Variants in CCNY observed in about 807,000 individuals in gnomAD.
CCNY encodes cyclin-Y.
Under a neutral mutation model 42.8 loss-of-function variants are expected in CCNY, and 19 were observed. That is an observed-to-expected ratio of 0.44 (90% confidence interval 0.31 to 0.65). CCNY has a LOEUF of 0.65. Among genes scored for constraint, CCNY ranks in the 30% least tolerant of loss-of-function variants. The pLI, the probability that CCNY is intolerant of heterozygous loss-of-function variation, is 0.07. For missense variants in CCNY, 370 were observed against 437.3 expected, an observed-to-expected ratio of 0.85 and a Z score of 1.37; for synonymous variants, 165 against 162.7, an observed-to-expected ratio of 1.01 and a Z score of -0.11.
chr10:35,404,025 G>A (rs528772686), intron 1 of CCNY, among the ~76,000 whole-genome samples: 1 of 148,560 alleles, frequency 6.7e-6, no homozygotes, highest in Admixed American at 6.8e-5. Context: ...TGAAGTCCAG[G>A]CCAGGAACAA....
intron 1 of CCNY, among the ~76,000 whole-genome samples, chr10:35,421,059 T>C (rs1838148351): frequency 6.6e-6 from 1 of 152,184 alleles, no homozygotes; most frequent in Admixed American, 6.5e-5. Flanking sequence ...TCAGGCTGTG[T>C]GCACCTATGC....
intron 1 of CCNY, among the ~76,000 whole-genome samples, chr10:35,482,148 A>G (rs1192355291): frequency 2.0e-5 from 3 of 152,216 alleles, no homozygotes. Context: ...TGCTCAGGAT[A>G]AATCTCTTTG....
chr10:35,510,668 A>T (rs1302179433), intron 3 of CCNY, among the ~76,000 whole-genome samples: 1 of 152,224 alleles, frequency 6.6e-6, no homozygotes, highest in Non-Finnish European at 1.5e-5. Context: ...GGCACTTTAC[A>T]GGTGTTATTC....
chr10:35,325,479 C>CT lies in CCNY; in HGVS notation c.-9+74870dup, dbSNP rs1207832860. ...AGGTGTGAGCCACCAAGCACAGACC[C>CT]TTTTTTTTTTTTTTTTTGAGACAGA... On this transcript the variant is annotated intron_variant, in intron 3 of 11. Transcript: ENST00000374706. Among the ~76,000 whole-genome samples, 725 of 132,862 alleles carry CT rather than the reference C, an allele frequency of 5.5e-3. 3 individuals carry two copies. The highest frequency in any genetic ancestry group is 0.014 in the East Asian group (64 of 4,600). 87.2% of individuals were successfully genotyped at this position (132,862 alleles called of 152,430 possible).
At chr10:35,503,835 G>A (rs953444439) in intron 3 of CCNY, among the ~76,000 whole-genome samples, 13 of 152,162 alleles carry the variant, frequency 8.5e-5, no homozygotes, top group African/African-American at 3.1e-4. Flanking sequence ...CACTTAGCTC[G>A]CACCCTCTGT....
intron 9 of CCNY, among the ~76,000 whole-genome samples, chr10:35,566,437 C>T (rs57344170): frequency 0.05 from 7,562 of 152,276 alleles, 539 homozygotes; most frequent in African/African-American, 0.16. Context: ...CTCTGCCTCC[C>T]GAGTTAAAGC....
At chr10:35,469,471 G>A (rs556843191) in intron 1 of CCNY, among the ~76,000 whole-genome samples, 7 of 152,292 alleles carry the variant, frequency 4.6e-5, no homozygotes, top group South Asian at 2.1e-4. Flanking sequence ...AAGGGAAAAC[G>A]GAAACAGTTA....
chr10:35,326,908 A>ACAAT (rs1454732298), intron 3 of CCNY, among the ~76,000 whole-genome samples: 1 of 151,894 alleles, frequency 6.6e-6, no homozygotes, highest in Non-Finnish European at 1.5e-5. Flanking sequence ...AAACAAACAA[A>ACAAT]CAAACACCAT....
At chr10:35,535,917 CTTCATTTTG>C (rs1018275004) in intron 7 of CCNY, among the ~76,000 whole-genome samples, 4 of 152,184 alleles carry the variant, frequency 2.6e-5, no homozygotes, top group Admixed American at 2.6e-4. Flanking sequence ...GGTCACTGCA[CTTCATTTTG>C]TTTACTCATT....
intron 1 of CCNY, among the ~76,000 whole-genome samples, chr10:35,453,702 T>C (rs1178795018): frequency 6.6e-6 from 1 of 152,228 alleles, no homozygotes; most frequent in Non-Finnish European, 1.5e-5. Flanking sequence ...CTTTTAAGAA[T>C]CTTAATCAGT....
intron 2 of CCNY, among the ~76,000 whole-genome samples, chr10:35,486,791 G>T (rs1442048732): frequency 1.3e-5 from 2 of 152,190 alleles, no homozygotes; most frequent in African/African-American, 4.8e-5. Flanking sequence ...CCTCAAGTCT[G>T]CCACTTGCCT....
chr10:35,523,469 G>A (rs1050869746), intron 4 of CCNY, among the ~76,000 whole-genome samples: 2 of 152,158 alleles, frequency 1.3e-5, no homozygotes, highest in African/African-American at 4.8e-5. Flanking sequence ...CCTTCAAGAC[G>A]ACTGCTAAAC....
chr10:35,371,012 G>T (rs1381493096), intron 1 of CCNY, among the ~76,000 whole-genome samples: 1 of 152,178 alleles, frequency 6.6e-6, no homozygotes, highest in African/African-American at 2.4e-5. Context: ...ACTGCACCTG[G>T]CCAGGTTAAA....
chr10:35,481,359 C>T (rs1381111337), intron 1 of CCNY, among the ~76,000 whole-genome samples: 1 of 152,208 alleles, frequency 6.6e-6, no homozygotes, highest in African/African-American at 2.4e-5. Flanking sequence ...AGGGGATTGT[C>T]TTCCAGGACA....
At chr10:35,350,296 G>T (rs1836402297) in intron 1 of CCNY, among the ~76,000 whole-genome samples, 1 of 152,090 alleles carries the variant, frequency 6.6e-6, no homozygotes, top group South Asian at 2.1e-4. Flanking sequence ...TGAAAGAGTA[G>T]TAAATTTTTC....
intron 1 of CCNY, among the ~76,000 whole-genome samples, chr10:35,339,307 C>A (rs1836122496): frequency 6.6e-6 from 1 of 152,034 alleles, no homozygotes; most frequent in Non-Finnish European, 1.5e-5. Flanking sequence ...GCAGGTAGGC[C>A]TGAGAATTGC....
chr10:35,473,105 CAT>C (rs1182320221), intron 1 of CCNY, among the ~76,000 whole-genome samples: 1 of 152,256 alleles, frequency 6.6e-6, no homozygotes, highest in East Asian at 1.9e-4. Context: ...GATTGGGTCA[CAT>C]ATTTTATTCT....
intron 3 of CCNY, among the ~76,000 whole-genome samples, chr10:35,252,235 G>A (rs1387541332): frequency 6.6e-6 from 1 of 152,054 alleles, no homozygotes; most frequent in African/African-American, 2.4e-5. Context: ...GTTATGTAGA[G>A]GCTCCTCAAC....
chr10:35,471,265 G>T (rs1272496820), intron 1 of CCNY, among the ~76,000 whole-genome samples: 2 of 152,106 alleles, frequency 1.3e-5, no homozygotes, highest in Non-Finnish European at 2.9e-5. Context: ...AGGGGCTTGC[G>T]AGGGGGAGGG....
Sources: allele counts gnomAD v4.1 joint callset (sites outside exome capture counted in the v4.1 genomes callset), GRCh38; gene constraint gnomAD v4.1.1; transcripts MANE v1.5; gene names NCBI Gene and HGNC (gene_info 2026-07-23, HGNC 2026-07-21).